FAT2: variants seen among roughly 807,000 people sequenced by gnomAD.
The protein encoded by FAT2 is FAT atypical cadherin 2, also known as protocadherin Fat 2.
In FAT2, 150 loss-of-function variants were observed where a neutral mutation model predicts 295.3. The ratio of observed to expected loss-of-function variants is 0.51; its 90% CI spans 0.44 to 0.58. FAT2 has a LOEUF of 0.58. Ranked by LOEUF, FAT2 falls within the 20% of genes least tolerant of loss-of-function variation. The pLI, the probability that FAT2 is intolerant of heterozygous loss-of-function variation, is 0.00. For synonymous variants in FAT2, 2,026 were observed against 2,150.3 expected, an observed-to-expected ratio of 0.94 and a Z score of 1.60; for missense variants, 4,868 against 5,442.7, an observed-to-expected ratio of 0.89 and a Z score of 3.32.
At chr5:151,558,639 A>T (rs138447925) in intron 3 of FAT2, among the ~76,000 whole-genome samples, 1 of 152,076 alleles carries the variant, frequency 6.6e-6, no homozygotes, top group East Asian at 1.9e-4. Context: ...GTCAGGAGCT[A>T]CAGCAGAAAT....
At chr5:151,582,535 C>T (rs1294936964) in intron 1 of FAT2, among the ~76,000 whole-genome samples, 1 of 152,094 alleles carries the variant, frequency 6.6e-6, no homozygotes, top group Admixed American at 6.6e-5. Context: ...CAACAAGTTC[C>T]CTGGGTGATT....
chr5:151,574,240 T>G (rs1472988239), intron 1 of FAT2, among the ~76,000 whole-genome samples: 1 of 152,196 alleles, frequency 6.6e-6, no homozygotes, highest in East Asian at 1.9e-4. Flanking sequence ...GTAAGTCACC[T>G]AAGCCCCGTG....
At position 151,537,870 on chromosome 5, in the gene FAT2, T is replaced by TC; in HGVS notation, c.9115dup (p.Asp3039GlyfsTer3). The stretch of plus-strand genomic sequence containing the variant: ...TGTGATCTGAGCATTGGTATCAGTG[T>TC]CCAAGTCTGTGGCAGAAACCTTCAA... On this transcript the variant is annotated frameshift_variant, in exon 12 of 24. Coordinates refer to ENST00000261800, the MANE Select transcript of FAT2 (RefSeq NM_001447.3). LOFTEE classifies it high-confidence loss of function. 1.2e-6 allele frequency: 2 copies of TC among 1,614,186 alleles called. No individual in the cohort carries two copies. Among genetic ancestry groups the TC allele is most frequent in the Non-Finnish European group, 1.7e-6 (2 of 1,180,008 alleles).
rs751997827 is a variant in FAT2, at chr5:151,545,005, T to G, written c.6122A>C (p.Glu2041Ala). The G allele has an allele frequency of 4.0e-5, 64 of 1,614,036 alleles. No homozygotes were observed. Among genetic ancestry groups the G allele is most frequent in the Non-Finnish European group, 5.1e-6 (6 of 1,180,050 alleles). The change falls in exon 10 of 24, where the codon GAA becomes GCA. Residue 2041 changes from glutamate (E) to alanine (A), a missense_variant. Glu to Ala is a moderately radical substitution (Grantham distance 107, BLOSUM62 -1). This residue lies in a region of FAT2 where 3,297 missense variants were observed against 3,669.4 expected (regional missense o/e 0.90). Coordinates refer to ENST00000261800, the MANE Select transcript of FAT2 (RefSeq NM_001447.3). ...CTGAGGTGTCCGATTGTCCCTCACT[T>G]CCACTGCCAACTCATGAGTGTCCTG... ...EQQDTHELAVEVRDNRTPQRV... is the reference protein window; with the variant it reads ...EQQDTHELAVAVRDNRTPQRV...
chr5:151,588,757 G>A (rs912332246), intron 1 of FAT2, among the ~76,000 whole-genome samples: 1 of 152,124 alleles, frequency 6.6e-6, no homozygotes, highest in Non-Finnish European at 1.5e-5. Flanking sequence ...ACACTTCAAG[G>A]TGCTGTGAGA....
chr5:151,506,137 C>T, intron 23 of FAT2, 40 bp from the exon 24 acceptor site: 1 of 1,490,912 alleles, frequency 6.7e-7, no homozygotes, highest in Non-Finnish European at 8.8e-7. Context: ...TCATTTTCTC[C>T]CCGGAAGGTT....
In FAT2 at chr5:151,510,118, C is replaced by G. The variant is rs958058593; in HGVS notation, c.11962G>C (p.Glu3988Gln). Residue 3988 changes from glutamate (E) to glutamine (Q), a missense_variant, in exon 22 of 24, where the codon GAG becomes CAG. Physicochemically the swap from Glu to Gln is conservative, Grantham distance 29. Around this residue, in one of 5 missense-constraint regions of FAT2, gnomAD observed 492 missense variants for 482.6 expected, o/e 1.02. Coordinates refer to ENST00000261800, the MANE Select transcript of FAT2 (RefSeq NM_001447.3). ...FSGKHCEQGRENCTFAPCLEG... is the reference protein window; with the variant it reads ...FSGKHCEQGRQNCTFAPCLEG... ...AGGCAGGGTGCAAAAGTACAGTTCT[C>G]CCTTCCTTGTTCACAGTGCTTCCCA... 1.2e-6 allele frequency: 2 copies of G among 1,614,064 alleles called. No homozygotes were observed. Among genetic ancestry groups the G allele is most frequent in the African/African-American group, 2.7e-5 (2 of 74,928 alleles).
chr5:151,506,224 G>T, intron 23 of FAT2, 127 bp from the exon 24 acceptor site: 1 of 982,122 alleles, frequency 1.0e-6, no homozygotes, highest in Non-Finnish European at 1.4e-6. Flanking sequence ...GCCCATCTGT[G>T]CAGGTTGTCT....
At chr5:151,594,384 T>C (rs146206514), upstream of FAT2, among the ~76,000 whole-genome samples, 245 of 152,320 alleles carry the variant, frequency 1.6e-3, 1 homozygote, top group African/African-American at 5.6e-3. Context: ...AGGCTGCACA[T>C]TGGCATCACC....
rs374807522 is a variant in FAT2, at chr5:151,566,064, G to T, written c.2868C>A (p.Pro956=). ...FLDASDPDLG[P]AGEVRYVLMD... ...TCAGAACATATCGCACTTCACCTGC[G>T]GGGCCCAGGTCAGGATCAGAGGCAT... The change falls in exon 2 of 24, where the codon CCC becomes CCA. Residue 956 remains proline (P), a synonymous_variant. Transcript: ENST00000261800. The T allele has an allele frequency of 6.2e-7, 1 of 1,614,106 alleles. No individual in the cohort carries two copies. The highest frequency in any genetic ancestry group is 8.5e-7 in the Non-Finnish European group (1 of 1,180,018).
Position 151,554,562 on chromosome 5 carries a change from C to T in FAT2, c.3745G>A (p.Val1249Ile), listed in dbSNP as rs1757520023. Residue 1249 changes from valine to isoleucine, a missense_variant, in exon 5 of 24, where the codon GTC becomes ATC. Coordinates refer to ENST00000261800, the MANE Select transcript of FAT2 (RefSeq NM_001447.3). ...PPIFSHKLFN[V>I]RLPERLSPVS... The stretch of plus-strand genomic sequence containing the variant: ...GGGCTCAGCCTCTCTGGAAGGCGGA[C>T]ATTGAAGAGCTTGTGGGAGAATATA... The T allele has an allele frequency of 6.2e-7, 1 of 1,614,076 alleles. No individual in the cohort carries two copies. The highest frequency in any genetic ancestry group is 1.7e-5 in the Admixed American group (1 of 60,008).
rs61058500 is a variant in FAT2, at chr5:151,535,953, C to A, written c.9194-1311G>T. Among the ~76,000 whole-genome samples the A allele has an allele frequency of 1.9e-3, 293 of 152,134 alleles. 1 individual carries two copies. The highest frequency in any genetic ancestry group is 6.9e-3 in the African/African-American group (286 of 41,468). Reference sequence around the variant, plus strand: ...AAAACCTGGTTTGAGAGAGGTTTTTCCGAAACACCATATAACCAAAAATGA... The same window carrying A: ...AAAACCTGGTTTGAGAGAGGTTTTTACGAAACACCATATAACCAAAAATGA... On this transcript the variant is annotated intron_variant, in intron 12 of 23. Transcript: ENST00000261800.
At chr5:151,517,088 A>C (rs1021453955) in intron 20 of FAT2, among the ~76,000 whole-genome samples, 9 of 151,526 alleles carry the variant, frequency 5.9e-5, no homozygotes, top group African/African-American at 2.2e-4. Flanking sequence ...AGCCTCGGTG[A>C]CAGAGAGAGA....
chr5:151,578,123 T>A (rs1425969770), intron 1 of FAT2, among the ~76,000 whole-genome samples: 2 of 151,680 alleles, frequency 1.3e-5, no homozygotes, highest in African/African-American at 4.8e-5. Context: ...CGGGGGAACC[T>A]CCCCTAGGTT....
intron 1 of FAT2, among the ~76,000 whole-genome samples, chr5:151,590,874 G>T (rs1161342544): frequency 6.6e-6 from 1 of 152,190 alleles, no homozygotes; most frequent in Non-Finnish European, 1.5e-5. Context: ...AACTTTCCAC[G>T]TGTGCAAATG....
Position 151,554,635 on chromosome 5 carries a change from G to A in FAT2, c.3672C>T (p.Ser1224=), listed in dbSNP as rs1168404626. The A allele has an allele frequency of 1.9e-6, 3 of 1,613,954 alleles. No homozygotes were observed. Among genetic ancestry groups the A allele is most frequent in the Non-Finnish European group, 2.5e-6 (3 of 1,180,004 alleles). ...VLDNGEPSLK[S]TSRVVVGILD... is the part of the protein sequence containing the mutation. ...AGATGCCTACCACCACCCTGGAGGT[G>A]GACTTCAGTGAGGGTTCCCCATTGT... The change falls in exon 5 of 24, where the codon TCC becomes TCT. Residue 1224 remains serine (S), a synonymous_variant. Coordinates refer to ENST00000261800, the MANE Select transcript of FAT2 (RefSeq NM_001447.3).
At chr5:151,580,598 C>T (rs1046608351) in intron 1 of FAT2, among the ~76,000 whole-genome samples, 8 of 152,180 alleles carry the variant, frequency 5.3e-5, no homozygotes, top group African/African-American at 4.8e-5. Flanking sequence ...CACGCGTGCT[C>T]GCACACACAC....
Position 151,534,535 on chromosome 5 carries a change from G to A in FAT2, c.9301C>T (p.Leu3101Phe). Residue 3101 changes from leucine to phenylalanine, a missense_variant, in exon 13 of 24, where the codon CTC (leucine) becomes TTC (phenylalanine). Physicochemically the swap from Leu to Phe is conservative, Grantham distance 22 (BLOSUM62 0). This residue lies in a region of FAT2 where 1,046 missense variants were observed against 1,210.1 expected (regional missense o/e 0.86). Transcript: ENST00000261800. ...TTGTCATTCACATCCTCCACATGGA[G>A]GGTGATGTCTGCCTGGCACGATCGG... ...GGRSCQADIT[L>F]HVEDVNDNAP... 2 of 1,614,144 alleles carry A rather than the reference G, an allele frequency of 1.2e-6. No individual in the cohort carries two copies. Among genetic ancestry groups the A allele is most frequent in the South Asian group, 1.1e-5 (1 of 91,068 alleles).
At chr5:151,565,651 C>G in intron 2 of FAT2, 22 bp downstream of exon 2, 4 of 1,440,658 alleles carry the variant, frequency 2.8e-6, no homozygotes, top group East Asian at 2.5e-5. Flanking sequence ...CCTGGCACCC[C>G]ACCCTACCCC....
Sources: allele counts gnomAD v4.1 joint callset (sites outside exome capture counted in the v4.1 genomes callset), GRCh38; gene constraint gnomAD v4.1.1; regional missense constraint gnomAD v4.1.1; transcripts MANE v1.5; gene names NCBI Gene and HGNC (gene_info 2026-07-23, HGNC 2026-07-21).